ZNF385B: variants seen among roughly 807,000 people sequenced by gnomAD.
ZNF385B encodes the protein zinc finger protein 385B, also known as zinc finger protein 533.
A neutral mutation model predicts 39.2 loss-of-function variants in ZNF385B; 23 were observed. The ratio of observed to expected loss-of-function variants is 0.59; its 90% CI spans 0.42 to 0.83. The LOEUF (loss-of-function observed/expected upper bound fraction) is 0.83. ZNF385B is among the 40% of genes least tolerant of loss of function. The probability of loss-of-function intolerance (pLI) is 0.00; values close to 1 mark genes in which losing one functional copy is unlikely to be tolerated. For synonymous variants in ZNF385B, 205 were observed against 222.6 expected (o/e 0.92, Z 0.70); for missense variants, 552 against 598.9 (o/e 0.92, Z 0.82).
chr2:179,743,986 T>C (rs1361877870), intron 3 of ZNF385B, among the ~76,000 whole-genome samples: 3 of 152,080 alleles, frequency 2.0e-5, no homozygotes, highest in Non-Finnish European at 4.4e-5. Context: ...TTAAAGCCTT[T>C]CCCTCTCTCC....
intron 3 of ZNF385B, among the ~76,000 whole-genome samples, chr2:179,566,919 T>C (rs186203397): frequency 3.4e-4 from 51 of 148,256 alleles, no homozygotes; most frequent in African/African-American, 2.2e-4. Context: ...CTTTTCTTTT[T>C]TTTTTTTTTT....
intron 3 of ZNF385B, among the ~76,000 whole-genome samples, chr2:179,622,595 C>G (rs1690309085): frequency 6.6e-6 from 1 of 152,164 alleles, no homozygotes; most frequent in African/African-American, 2.4e-5. Context: ...ATTTTAGAAT[C>G]TTATAGCAGT....
intron 4 of ZNF385B, among the ~76,000 whole-genome samples, chr2:179,527,780 A>G (rs2059001363): frequency 6.6e-6 from 1 of 152,146 alleles, no homozygotes; most frequent in Non-Finnish European, 1.5e-5. Context: ...TTATTCACAT[A>G]ATAAAAGTTT....
At chr2:179,779,845 T>C (rs568032670) in intron 1 of ZNF385B, among the ~76,000 whole-genome samples, 1 of 152,300 alleles carries the variant, frequency 6.6e-6, no homozygotes, top group African/African-American at 2.4e-5. Flanking sequence ...GTTACTTACC[T>C]TAAGTTAGCC....
At chr2:179,769,071 G>T (rs1331385677) in intron 3 of ZNF385B, among the ~76,000 whole-genome samples, 5 of 152,176 alleles carry the variant, frequency 3.3e-5, no homozygotes, top group African/African-American at 1.2e-4. Flanking sequence ...TGCATCACAG[G>T]ATGTTATAAA....
chr2:179,657,830 T>C (rs1693972685), intron 3 of ZNF385B, among the ~76,000 whole-genome samples: 1 of 152,208 alleles, frequency 6.6e-6, no homozygotes, highest in East Asian at 1.9e-4. Context: ...TCTTTAATAT[T>C]GGTATCCTTA....
intron 6 of ZNF385B, among the ~76,000 whole-genome samples, chr2:179,477,210 G>A (rs1254630535): frequency 6.6e-6 from 1 of 152,168 alleles, no homozygotes; most frequent in Non-Finnish European, 1.5e-5. Flanking sequence ...TAAAAATGAT[G>A]AGGCGAGGGT....
intron 3 of ZNF385B, among the ~76,000 whole-genome samples, chr2:179,696,333 T>TTTTTTTTC (rs1698755477): frequency 1.6e-5 from 2 of 125,994 alleles, no homozygotes; most frequent in Admixed American, 1.7e-4. Flanking sequence ...GGACTTTTTT[T>TTTTTTTTC]TTTTTTTTTT....
chr2:179,450,717 A>G (rs965491850), intron 6 of ZNF385B, among the ~76,000 whole-genome samples: 2 of 152,148 alleles, frequency 1.3e-5, no homozygotes, highest in African/African-American at 4.8e-5. Context: ...CTAGAACTAG[A>G]AATACCATTT....
At chr2:179,568,029 A>G (rs1341346121) in intron 3 of ZNF385B, among the ~76,000 whole-genome samples, 2 of 152,198 alleles carry the variant, frequency 1.3e-5, no homozygotes, top group African/African-American at 4.8e-5. Flanking sequence ...CACCTGGAAT[A>G]AAATCAAACC....
chr2:179,612,677 C>A (rs574299193), intron 3 of ZNF385B, among the ~76,000 whole-genome samples: 1 of 152,280 alleles, frequency 6.6e-6, no homozygotes, highest in South Asian at 2.1e-4. Context: ...AGACCTGAAG[C>A]CAGCATGGTG....
intron 3 of ZNF385B, among the ~76,000 whole-genome samples, chr2:179,604,961 C>T (rs189136907): frequency 2.7e-4 from 41 of 152,196 alleles, no homozygotes; most frequent in Non-Finnish European, 5.0e-4. Context: ...TTGTTTCCCA[C>T]ATTGCAAATT....
At chr2:179,758,832 C>T (rs1703198707) in intron 3 of ZNF385B, among the ~76,000 whole-genome samples, 1 of 152,188 alleles carries the variant, frequency 6.6e-6, no homozygotes, top group Admixed American at 6.5e-5. Context: ...CGGGTGTGCA[C>T]CAATGAGTCC....
intron 3 of ZNF385B, among the ~76,000 whole-genome samples, chr2:179,682,824 G>A (rs1033389630): frequency 2.0e-5 from 3 of 151,980 alleles, no homozygotes; most frequent in African/African-American, 7.3e-5. Context: ...CCATACTTCG[G>A]GTCTCTGAAC....
At chr2:179,744,312 A>AT (rs3215240) in intron 3 of ZNF385B, among the ~76,000 whole-genome samples, 56,906 of 145,220 alleles carry the variant, frequency 0.39, 11,044 homozygotes, top group East Asian at 0.58. Flanking sequence ...CCATCTCTCC[A>AT]TTTTTTTTTT....
At chr2:179,632,721 T>G (rs962726353) in intron 3 of ZNF385B, among the ~76,000 whole-genome samples, 11 of 151,998 alleles carry the variant, frequency 7.2e-5, no homozygotes, top group Admixed American at 5.9e-4. Context: ...CTGAAAGAGA[T>G]GGAGACACAA....
At chr2:179,663,977 A>G (rs557594392) in intron 3 of ZNF385B, among the ~76,000 whole-genome samples, 92 of 152,228 alleles carry the variant, frequency 6.0e-4, no homozygotes, top group African/African-American at 2.1e-3. Flanking sequence ...CAGCAGAATT[A>G]AACTAAAGTT....
At chr2:179,725,910 G>GTATATATA (rs72080859) in intron 3 of ZNF385B, among the ~76,000 whole-genome samples, 1 of 138,842 alleles carries the variant, frequency 7.2e-6, no homozygotes. Flanking sequence ...GTTTGTGTGT[G>GTATATATA]TATATATATA....
intron 3 of ZNF385B, among the ~76,000 whole-genome samples, chr2:179,750,010 A>G (rs1168351068): frequency 2.6e-5 from 4 of 152,266 alleles, no homozygotes; most frequent in Non-Finnish European, 5.9e-5. Context: ...TCTTTTATGT[A>G]TCAATCCCTT....
Sources: gnomAD v4.1 joint callset for allele counts (sites outside exome capture counted in the v4.1 genomes callset) on GRCh38, gnomAD v4.1.1 for gene constraint, MANE v1.5 for transcripts, NCBI Gene and HGNC (gene_info 2026-07-23, HGNC 2026-07-21) for gene names.